Variants in DNAI3 observed in about 807,000 individuals in gnomAD.
DNAI3 encodes dynein axonemal intermediate chain 3.
In DNAI3, 83 loss-of-function variants were observed where a neutral mutation model predicts 115.5. That is an observed-to-expected ratio of 0.72 (90% confidence interval 0.60 to 0.86). The LOEUF (loss-of-function observed/expected upper bound fraction) is 0.86. DNAI3 is among the 40% of genes least tolerant of loss of function. The pLI is 0.00. For missense variants in DNAI3, 1,004 were observed against 1,075.8 expected (o/e 0.93, Z 0.93); for synonymous variants, 320 against 347.0 (o/e 0.92, Z 0.86).
Position 85,084,656 on chromosome 1 carries a change from AG to A in DNAI3, c.502del (p.Glu168LysfsTer17). ...KPWVSLGSEK[E>X]IEEESVTEST... ...CATGGGTTTCTTTGGGCAGTGAAAA[AG>A]AAATTGAGGAAGAATCAGTTACGGA... On this transcript the variant is annotated frameshift_variant, in exon 6 of 23. Coordinates refer to ENST00000294664, the MANE Select transcript of DNAI3 (RefSeq NM_145172.5). LOFTEE classifies it high-confidence loss of function. 1 of 1,553,730 alleles carries A rather than the reference AG, an allele frequency of 6.4e-7. No individual in the cohort carries two copies. Among genetic ancestry groups the A allele is most frequent in the Non-Finnish European group, 8.7e-7 (1 of 1,149,536 alleles).
At chr1:85,097,772 AG>A in intron 12 of DNAI3, 117 bp downstream of exon 12, 1 of 735,002 alleles carries the variant, frequency 1.4e-6, no homozygotes, top group Non-Finnish European at 2.0e-6. Context: ...AAAAAAAAAA[AG>A]AATGTTATTT....
At chr1:85,100,390 C>T (rs1440383603) in intron 13 of DNAI3, among the ~76,000 whole-genome samples, 2 of 152,164 alleles carry the variant, frequency 1.3e-5, no homozygotes, top group African/African-American at 2.4e-5. Context: ...CATCACGGGC[C>T]ATCAGAAAAA....
intron 8 of DNAI3, among the ~76,000 whole-genome samples, chr1:85,091,276 TC>T (rs1394253033): frequency 6.6e-6 from 1 of 152,192 alleles, no homozygotes. Flanking sequence ...GAAAACTAGA[TC>T]TTGAGGGAAT....
chr1:85,094,316 G>C, intron 9 of DNAI3, 115 bp from the exon 10 acceptor site: 1 of 1,392,064 alleles, frequency 7.2e-7, no homozygotes, highest in Non-Finnish European at 9.8e-7. Context: ...GAAAACTCTT[G>C]CTCTCCTGTG....
chr1:85,124,877 A>C (rs148911502), intron 19 of DNAI3, among the ~76,000 whole-genome samples: 1 of 152,216 alleles, frequency 6.6e-6, no homozygotes, highest in Admixed American at 6.5e-5. Flanking sequence ...TGGGATGCCT[A>C]ATTCTGATTG....
intron 13 of DNAI3, among the ~76,000 whole-genome samples, chr1:85,101,339 G>C (rs1375787810): frequency 1.3e-5 from 2 of 151,868 alleles, no homozygotes; most frequent in Non-Finnish European, 2.9e-5. Flanking sequence ...TATAATAATG[G>C]GAGTTGTAAT....
At chr1:85,117,973 A>G (rs1655882867) in intron 17 of DNAI3, 114 bp downstream of exon 17, 3 of 1,238,074 alleles carry the variant, frequency 2.4e-6, no homozygotes, top group African/African-American at 3.1e-5. Flanking sequence ...TACCATTTTC[A>G]TATTTTAGTA....
intron 1 of DNAI3, among the ~76,000 whole-genome samples, chr1:85,069,300 A>G (rs1390214157): frequency 6.6e-6 from 1 of 152,088 alleles, no homozygotes; most frequent in Non-Finnish European, 1.5e-5. Flanking sequence ...CTCCTTTTTC[A>G]GATCTTTGTT....
At chr1:85,131,240 T>G (rs150918821) in intron 22 of DNAI3, among the ~76,000 whole-genome samples, 325 of 150,696 alleles carry the variant, frequency 2.2e-3, no homozygotes, top group African/African-American at 7.7e-3. Context: ...AGGTCAGGAG[T>G]TCGAGACCAG....
chr1:85,117,728 G>T lies in DNAI3; in HGVS notation c.1787-1G>T, dbSNP rs1396814697. ...TTCTTCTACCCACACTCCTCTGAAA[G>T]ACAAAATGTTAGCACAGAGCAAAAC... On this transcript the variant is annotated splice_acceptor_variant, in intron 16 of 22. Transcript: ENST00000294664. LOFTEE classifies it high-confidence loss of function. The T allele has an allele frequency of 5.0e-6, 8 of 1,612,998 alleles. No homozygotes were observed. The highest frequency in any genetic ancestry group is 6.8e-6 in the Non-Finnish European group (8 of 1,179,228).
rs542245141 is a variant in DNAI3, at chr1:85,108,537, A to G, written c.1698+360A>G. Among the ~76,000 whole-genome samples, 11 of 152,198 alleles carry G rather than the reference A, an allele frequency of 7.2e-5. No homozygotes were observed. In the South Asian group the frequency reaches 8.3e-4, roughly 11 times the overall value. Reference sequence around the variant, plus strand: ...GCAATATACAGAAAAAGGGAGCAGAAAAACATTTCAGTCATTCTAACTGTG... The same window carrying G: ...GCAATATACAGAAAAAGGGAGCAGAGAAACATTTCAGTCATTCTAACTGTG... On this transcript the variant is annotated intron_variant, in intron 15 of 22. Coordinates refer to ENST00000294664, the MANE Select transcript of DNAI3 (RefSeq NM_145172.5).
At chr1:85,069,053 G>A (rs935173035) in intron 1 of DNAI3, among the ~76,000 whole-genome samples, 4 of 152,198 alleles carry the variant, frequency 2.6e-5, no homozygotes, top group South Asian at 2.1e-4. Context: ...GTTTGTTACC[G>A]TATGTCACTG....
intron 1 of DNAI3, among the ~76,000 whole-genome samples, chr1:85,065,993 T>G (rs1214869639): frequency 6.6e-6 from 1 of 152,230 alleles, no homozygotes; most frequent in African/African-American, 2.4e-5. Flanking sequence ...TGATCTGTTA[T>G]GCAGGGGACT....
chr1:85,121,718 A>G, intron 17 of DNAI3, 33 bp from the exon 18 acceptor site: 1 of 1,602,146 alleles, frequency 6.2e-7, no homozygotes, highest in Non-Finnish European at 8.5e-7. Context: ...TTAAGTTGTC[A>G]TTGTACTCAT....
At chr1:85,127,418 AT>A (rs1208546451) in intron 20 of DNAI3, among the ~76,000 whole-genome samples, 1 of 151,336 alleles carries the variant, frequency 6.6e-6, no homozygotes, top group South Asian at 2.1e-4. Context: ...TTTTTATTTT[AT>A]TTTTTTGCAG....
intron 6 of DNAI3, among the ~76,000 whole-genome samples, chr1:85,085,228 C>T (rs1295507394): frequency 6.6e-6 from 1 of 152,206 alleles, no homozygotes; most frequent in Non-Finnish European, 1.5e-5. Flanking sequence ...TTTCAAACTT[C>T]TAGCCTCCAC....
intron 17 of DNAI3, among the ~76,000 whole-genome samples, chr1:85,119,267 C>T (rs1655919225): frequency 6.6e-6 from 1 of 152,152 alleles, no homozygotes; most frequent in African/African-American, 2.4e-5. Flanking sequence ...CAACCATCAC[C>T]ACCATCCATG....
chr1:85,092,961 C>T (rs2100580102), intron 8 of DNAI3, among the ~76,000 whole-genome samples: 1 of 152,246 alleles, frequency 6.6e-6, no homozygotes, highest in African/African-American at 2.4e-5. Flanking sequence ...AGAAAACTGC[C>T]ATTTGTGACA....
chr1:85,084,765 T>G, intron 6 of DNAI3, 70 bp downstream of exon 6: 1 of 1,298,190 alleles, frequency 7.7e-7, no homozygotes. Flanking sequence ...CCTGAGGGAT[T>G]CATAAGGTTT....
Sources: allele counts gnomAD v4.1 joint callset (sites outside exome capture counted in the v4.1 genomes callset), GRCh38; gene constraint gnomAD v4.1.1; transcripts MANE v1.5; gene names NCBI Gene and HGNC (gene_info 2026-07-23, HGNC 2026-07-21).